JAKMIP1: variants seen among roughly 807,000 people sequenced by gnomAD.
JAKMIP1 encodes janus kinase and microtubule interacting protein 1.
Under a neutral mutation model 113.0 loss-of-function variants are expected in JAKMIP1, and 33 were observed. That is an observed-to-expected ratio of 0.29 (90% CI 0.22 to 0.39). JAKMIP1 has a LOEUF of 0.39. JAKMIP1 is among the 10% of genes least tolerant of loss of function. JAKMIP1 has a pLI of 1.00. For missense variants in JAKMIP1, 813 were observed against 1,080.5 expected, an observed-to-expected ratio of 0.75 and a Z score of 3.47; for synonymous variants, 480 against 459.9, an observed-to-expected ratio of 1.04 and a Z score of -0.56.
chr4:6,198,261 G>A (rs1048094866), intron 1 of JAKMIP1, among the ~76,000 whole-genome samples: 1 of 152,206 alleles, frequency 6.6e-6, no homozygotes, highest in Non-Finnish European at 1.5e-5. Flanking sequence ...CTGAGAGCTG[G>A]GCTTAATCAT....
intron 2 of JAKMIP1, among the ~76,000 whole-genome samples, chr4:6,109,760 C>T (rs1714612484): frequency 6.6e-6 from 1 of 152,082 alleles, no homozygotes; most frequent in African/African-American, 2.4e-5. Context: ...GCTAAAATGC[C>T]AGCACTTTAA....
intron 1 of JAKMIP1, among the ~76,000 whole-genome samples, chr4:6,196,164 C>T (rs997251355): frequency 5.9e-5 from 9 of 152,190 alleles, no homozygotes; most frequent in East Asian, 5.8e-4. Flanking sequence ...GCTTTCACCA[C>T]GGGCCCTTTC....
intron 1 of JAKMIP1, among the ~76,000 whole-genome samples, chr4:6,145,317 G>A (rs1032342700): frequency 1.2e-4 from 19 of 152,106 alleles, no homozygotes; most frequent in African/African-American, 4.6e-4. Flanking sequence ...CAGAACCTCT[G>A]GGGTGAAGAG....
At position 6,149,901 on chromosome 4, in the gene JAKMIP1, CCCCACCCATGG is replaced by C. The variant is rs1316641162; in HGVS notation, c.-147-36915_-147-36905del. On this transcript the variant is annotated intron_variant, in intron 1 of 20. Transcript: ENST00000409021. ...CCTCTCCCTTCCAACTCCCAGCTCT[CCCCACCCATGG>C]CCCACCCTCCAGCTGGGCTTCTCCT... is the stretch of plus-strand genomic sequence containing the variant. Among the ~76,000 whole-genome samples, 14 of 152,164 alleles carry C rather than the reference CCCCACCCATGG, an allele frequency of 9.2e-5. No individual in the cohort carries two copies. The South Asian group carries it at 1.0e-3, about 11-fold the overall frequency.
chr4:6,126,367 A>ACAAGCACAAACACACAC (rs1717611419), intron 1 of JAKMIP1, among the ~76,000 whole-genome samples: 2 of 24,038 alleles, frequency 8.3e-5, no homozygotes, highest in Non-Finnish European at 2.0e-4. Flanking sequence ...AGAAACACAC[A>ACAAGCACAAACACACAC]CATGCACAAA....
rs56874913 is a variant in JAKMIP1 at position 6,084,967 on chromosome 4, T to TA, written c.835-3dup. 0.23 allele frequency: 88,325 copies of TA among 376,850 alleles called. 9,477 individuals are homozygous for TA. The highest frequency in any genetic ancestry group is 0.28 in the Admixed American group (1,695 of 5,998). The allele number at this position is 376,850 out of a possible 1,614,324, so 23.3% of individuals were successfully genotyped here. A position where few individuals can be genotyped will look rare whatever the true frequency, so the allele number is the denominator to read the frequency against. The stretch of plus-strand genomic sequence containing the variant: ...ATCTCGCTCGTCCATATGTTGATCC[T>TA]AAAAAAAAAAAAAAAAAAAAAAAAA... On this transcript the variant is annotated splice_region_variant and splice_polypyrimidine_tract_variant and intron_variant, in intron 4 of 20. Transcript: ENST00000409021.
intron 1 of JAKMIP1, among the ~76,000 whole-genome samples, chr4:6,165,673 C>A (rs570634883): frequency 7.3e-4 from 111 of 152,292 alleles, no homozygotes; most frequent in African/African-American, 2.5e-3. Flanking sequence ...TAAGAGACTA[C>A]AACAGAGTGT....
rs555654064 is a variant in JAKMIP1, at chr4:6,137,419, C to A, written c.-147-24422G>T. 6.6e-6 allele frequency among the ~76,000 whole-genome samples: 1 copy of A among 152,208 alleles called. No homozygotes were observed. Among genetic ancestry groups the A allele is most frequent in the Non-Finnish European group, 1.5e-5 (1 of 68,044 alleles). ...AAATTCACGGCTCTGGCCCATGGAA[C>A]CTTAATCACGTCACACCTGATACAG... On this transcript the variant is annotated intron_variant, in intron 1 of 20. Coordinates refer to ENST00000409021, the MANE Select transcript of JAKMIP1 (RefSeq NM_001099433.2). This position sits in a 1 kb window ranked among gnomAD's most constrained non-coding sequence, Gnocchi z 4.5.
At chr4:6,126,403 CA>C (rs1717634297) in intron 1 of JAKMIP1, among the ~76,000 whole-genome samples, 1 of 150,014 alleles carries the variant, frequency 6.7e-6, no homozygotes, top group African/African-American at 2.5e-5. Context: ...AACACACACA[CA>C]AACATACACC....
At chr4:6,079,998 G>T (rs1370720619) in intron 7 of JAKMIP1, among the ~76,000 whole-genome samples, 174 bp downstream of exon 7, 6 of 152,234 alleles carry the variant, frequency 3.9e-5, no homozygotes, top group Admixed American at 3.9e-4. Context: ...CTTAGTGGCA[G>T]AATGAAGCGG....
chr4:6,171,326 C>A (rs1724674077), intron 1 of JAKMIP1, among the ~76,000 whole-genome samples: 1 of 151,552 alleles, frequency 6.6e-6, no homozygotes, highest in South Asian at 2.1e-4. Flanking sequence ...ATCTCCATCA[C>A]CACCACCAGC....
Position 6,141,608 on chromosome 4 carries a change from GT to G in JAKMIP1, c.-147-28612del, listed in dbSNP as rs1374553830. The stretch of plus-strand genomic sequence containing the variant: ...GCACCTATGCCCCAGGGCCTGGCCT[GT>G]GAATGCCCTTTCTCCTCCACTCCCA... On this transcript the variant is annotated intron_variant, in intron 1 of 20. Transcript: ENST00000409021. The surrounding 1 kb of genome is among the most constrained non-coding windows in gnomAD (Gnocchi z 9.4). 6.6e-6 allele frequency among the ~76,000 whole-genome samples: 1 copy of G among 152,222 alleles called. No individual in the cohort carries two copies. The highest frequency in any genetic ancestry group is 1.5e-5 in the Non-Finnish European group (1 of 68,040).
At chr4:6,163,209 G>C (rs551995777) in intron 1 of JAKMIP1, among the ~76,000 whole-genome samples, 1 of 152,186 alleles carries the variant, frequency 6.6e-6, no homozygotes, top group Non-Finnish European at 1.5e-5. Flanking sequence ...CAGATATTAC[G>C]TTTTTGACAA....
Position 6,110,308 on chromosome 4 carries a change from C to T in JAKMIP1, c.129+2414G>A, listed in dbSNP as rs535467262. ...GCCATGTGAAGACACAGGGAGAAGG[C>T]GGCCGTCTGCAAGCCAAGGAGAGAG... On this transcript the variant is annotated intron_variant, in intron 2 of 20. Transcript: ENST00000409021. Among the ~76,000 whole-genome samples the T allele has an allele frequency of 3.6e-3, 551 of 152,128 alleles. 3 individuals are homozygous for T. Among genetic ancestry groups the T allele is most frequent in the Non-Finnish European group, 5.7e-3 (386 of 68,004 alleles).
chr4:6,117,209 C>T (rs1023433786), intron 1 of JAKMIP1, among the ~76,000 whole-genome samples: 1 of 152,144 alleles, frequency 6.6e-6, no homozygotes, highest in African/African-American at 2.4e-5. Context: ...TGGTAATTAT[C>T]GGGGGACCTG....
chr4:6,106,540 CTCT>C lies in JAKMIP1; in HGVS notation c.130-576_130-574del, dbSNP rs1713987175. Among the ~76,000 whole-genome samples, 1 of 89,854 alleles carries C rather than the reference CTCT, an allele frequency of 1.1e-5. No individual in the cohort carries two copies. The highest frequency in any genetic ancestry group is 9.5e-5 in the Admixed American group (1 of 10,506). 58.9% of individuals were successfully genotyped at this position (89,854 alleles called of 152,430 possible). On this transcript the variant is annotated intron_variant, in intron 2 of 20. Coordinates refer to ENST00000409021, the MANE Select transcript of JAKMIP1 (RefSeq NM_001099433.2). The surrounding 1 kb of genome is among the most constrained non-coding windows in gnomAD (Gnocchi z 5.9). ...TGCTCCCTCTCTTTCTCCCTCTCTC[CTCT>C]CTCTCTCTCTCTCTTCCTCTCTCTC...
intron 4 of JAKMIP1, 29 bp from the exon 5 acceptor site, chr4:6,084,994 A>AT: frequency 6.6e-7 from 1 of 1,518,086 alleles, no homozygotes; most frequent in Non-Finnish European, 8.8e-7. Flanking sequence ...AAAAAAAAAA[A>AT]GTCAAGACGT....
chr4:6,067,040 T>C lies in JAKMIP1; in HGVS notation c.1303-2032A>G, dbSNP rs115263662. ...ATGAGAAAAGGCTTCCTGGCCACCA[T>C]GCCCAGGTCCCTCCTGCTTCACCCC... On this transcript the variant is annotated intron_variant, in intron 8 of 20. Coordinates refer to ENST00000409021, the MANE Select transcript of JAKMIP1 (RefSeq NM_001099433.2). The surrounding 1 kb of genome is among the most constrained non-coding windows in gnomAD (Gnocchi z 4.6). 3.7e-3 allele frequency among the ~76,000 whole-genome samples: 567 copies of C among 152,254 alleles called. 2 individuals carry two copies. Among genetic ancestry groups the C allele is most frequent in the Admixed American group, 5.6e-3 (86 of 15,298 alleles).
Position 6,193,891 on chromosome 4 carries a change from G to A in JAKMIP1, c.-148+6362C>T, listed in dbSNP as rs1428248400. The stretch of plus-strand genomic sequence containing the variant: ...CAACACCAGCCGCAAAGGTGAGAAC[G>A]ACCCCAATGTCCATCCACAGATGAA... On this transcript the variant is annotated intron_variant, in intron 1 of 20. Coordinates refer to ENST00000409021, the MANE Select transcript of JAKMIP1 (RefSeq NM_001099433.2). The surrounding 1 kb of genome is among the most constrained non-coding windows in gnomAD (Gnocchi z 6.4). 3.3e-5 allele frequency among the ~76,000 whole-genome samples: 5 copies of A among 152,152 alleles called. No individual in the cohort carries two copies. The highest frequency in any genetic ancestry group is 7.2e-5 in the African/African-American group (3 of 41,440).
Sources: allele counts gnomAD v4.1 joint callset (sites outside exome capture counted in the v4.1 genomes callset), GRCh38; gene constraint gnomAD v4.1.1; non-coding constraint Gnocchi (gnomAD v3.1); transcripts MANE v1.5; gene names NCBI Gene and HGNC (gene_info 2026-07-23, HGNC 2026-07-21).